The following SYNJ2BP variants were observed in gnomAD, a reference collection of about 807,000 sequenced individuals.
SYNJ2BP encodes synaptojanin-2-binding protein.
In SYNJ2BP, 10 loss-of-function variants were observed where a neutral mutation model predicts 16.9. The observed-to-expected ratio is 0.59, with a 90% CI of 0.36 to 1.00. The LOEUF is 1.00. Among genes scored for constraint, SYNJ2BP ranks in the 50% least tolerant of loss-of-function variants. The pLI, the probability that SYNJ2BP is intolerant of heterozygous loss-of-function variation, is 0.01. For synonymous variants in SYNJ2BP, 54 were observed against 68.4 expected (o/e 0.79, Z 1.04); for missense variants, 162 against 186.7 (o/e 0.87, Z 0.77).
In SYNJ2BP at chr14:70,399,044, C is replaced by T. The variant is rs1278387188; in HGVS notation, c.65-10438G>A. 5.3e-5 allele frequency among the ~76,000 whole-genome samples: 8 copies of T among 151,514 alleles called. No individual in the cohort carries two copies. The South Asian group carries it at 8.3e-4, about 16-fold the overall frequency. On this transcript the variant is annotated intron_variant, in intron 1 of 3. Coordinates refer to ENST00000256366, the MANE Select transcript of SYNJ2BP (RefSeq NM_018373.3). ...GGTGGACCCCGGGGATGCGGCCCCG[C>T]GGAGGCTGCTCCCAAGGTGCAAGAA...
intron 2 of SYNJ2BP, among the ~76,000 whole-genome samples, chr14:70,385,547 TA>T (rs1021673167): frequency 4.0e-5 from 6 of 151,360 alleles, no homozygotes; most frequent in Middle Eastern, 3.4e-3. Context: ...TAATTTTTTG[TA>T]TTTTTTTTTT....
At chr14:70,388,345 C>T in intron 2 of SYNJ2BP, 125 bp downstream of exon 2, 1 of 1,315,248 alleles carries the variant, frequency 7.6e-7, no homozygotes, top group Non-Finnish European at 9.7e-7. Flanking sequence ...CAAAGTTGTT[C>T]CCATTCAACT....
intron 1 of SYNJ2BP, among the ~76,000 whole-genome samples, chr14:70,406,641 C>T (rs1407200409): frequency 6.6e-6 from 1 of 152,052 alleles, no homozygotes; most frequent in Non-Finnish European, 1.5e-5. Context: ...TTTTGCAGAC[C>T]CTGCACTCAA....
chr14:70,416,993 G>A lies in SYNJ2BP; in HGVS notation c.-30C>T, dbSNP rs756886261. 1 of 1,614,008 alleles carries A rather than the reference G, an allele frequency of 6.2e-7. No individual in the cohort carries two copies. The highest frequency in any genetic ancestry group is 8.5e-7 in the Non-Finnish European group (1 of 1,179,998). Reference sequence around the variant, plus strand: ...TACAGCTCGTCTGGCTTCCTACTTGGGTCAGCTGGAGTGCAGCACAGGTGA... The same window carrying A: ...TACAGCTCGTCTGGCTTCCTACTTGAGTCAGCTGGAGTGCAGCACAGGTGA... On this transcript the variant is annotated 5_prime_UTR_variant, in exon 1 of 4. Coordinates refer to ENST00000256366, the MANE Select transcript of SYNJ2BP (RefSeq NM_018373.3).
intron 1 of SYNJ2BP, among the ~76,000 whole-genome samples, chr14:70,414,313 T>C (rs956453039): frequency 4.6e-4 from 70 of 152,362 alleles, no homozygotes; most frequent in African/African-American, 1.6e-3. Context: ...GAAATGCTTA[T>C]GAAAATTTAG....
In SYNJ2BP at chr14:70,370,652, G is replaced by A. The variant is rs114275959; in HGVS notation, c.*2339C>T. On this transcript the variant is annotated 3_prime_UTR_variant, in exon 4 of 4. Coordinates refer to ENST00000256366, the MANE Select transcript of SYNJ2BP (RefSeq NM_018373.3). ...CTGAATTTCTAAAAGAAAATGTGAT[G>A]ATTACCTGCATATCTTCTTTGTTGC... is the stretch of plus-strand genomic sequence containing the variant. 1 of 152,206 alleles carries A rather than the reference G, an allele frequency of 6.6e-6. No individual in the cohort carries two copies. The highest frequency in any genetic ancestry group is 2.1e-4 in the South Asian group (1 of 4,814). The allele number at this position is 152,206 out of a possible 1,614,324, so 9.4% of individuals were successfully genotyped here. A position where few individuals can be genotyped will look rare whatever the true frequency, so the allele number is the denominator to read the frequency against.
chr14:70,410,588 A>G (rs1888451143), intron 1 of SYNJ2BP, among the ~76,000 whole-genome samples: 1 of 152,190 alleles, frequency 6.6e-6, no homozygotes, highest in South Asian at 2.1e-4. Flanking sequence ...AGCACTATCC[A>G]TAACAGCAAA....
At chr14:70,375,314 A>G (rs1259911560) in intron 3 of SYNJ2BP, among the ~76,000 whole-genome samples, 2 of 147,928 alleles carry the variant, frequency 1.4e-5, no homozygotes, top group Non-Finnish European at 3.0e-5. Flanking sequence ...CAATCCTCCC[A>G]CCTTAGCATC....
chr14:70,374,732 T>C (rs1448200133), intron 3 of SYNJ2BP, among the ~76,000 whole-genome samples: 1 of 152,198 alleles, frequency 6.6e-6, no homozygotes, highest in Non-Finnish European at 1.5e-5. Context: ...GAAGGGTTCA[T>C]GGCAGTGACA....
At chr14:70,415,434 T>C (rs531956319) in intron 1 of SYNJ2BP, among the ~76,000 whole-genome samples, 1 of 150,518 alleles carries the variant, frequency 6.6e-6, no homozygotes, top group South Asian at 2.1e-4. Flanking sequence ...ACCCATGGTA[T>C]CGGTTACTCA....
intron 1 of SYNJ2BP, among the ~76,000 whole-genome samples, chr14:70,413,396 T>C (rs1218818608): frequency 1.3e-5 from 2 of 152,214 alleles, no homozygotes; most frequent in Non-Finnish European, 1.5e-5. Flanking sequence ...CCCAAAACTT[T>C]GGGAGGCCAA....
chr14:70,379,368 TC>T (rs1012934752), intron 2 of SYNJ2BP, among the ~76,000 whole-genome samples: 12 of 152,212 alleles, frequency 7.9e-5, no homozygotes, highest in African/African-American at 1.2e-4. Context: ...ACCTATCTTC[TC>T]AGGTTAATTT....
At chr14:70,414,561 A>G (rs1888561613) in intron 1 of SYNJ2BP, among the ~76,000 whole-genome samples, 1 of 152,224 alleles carries the variant, frequency 6.6e-6, no homozygotes, top group Non-Finnish European at 1.5e-5. Flanking sequence ...CTTTAGAACA[A>G]GAGATAATAT....
chr14:70,380,056 T>G (rs182541292), intron 2 of SYNJ2BP, among the ~76,000 whole-genome samples: 1 of 152,222 alleles, frequency 6.6e-6, no homozygotes, highest in Non-Finnish European at 1.5e-5. Context: ...TCATCTTACA[T>G]GTATTAACTC....
chr14:70,396,638 G>A (rs1888105950), intron 1 of SYNJ2BP, among the ~76,000 whole-genome samples: 1 of 151,168 alleles, frequency 6.6e-6, no homozygotes, highest in African/African-American at 2.4e-5. Flanking sequence ...ATATATGTAT[G>A]TGTATATATA....
Position 70,416,954 on chromosome 14 carries a change from T to C in SYNJ2BP, c.10A>G (p.Arg4Gly), listed in dbSNP as rs932870427. Reference sequence around the variant, plus strand: ...TCCTCAGTGACCAAATAATCCACTCTTCCGTTCATGTTTTACAGCTCGTCT... The same window carrying C: ...TCCTCAGTGACCAAATAATCCACTCCTCCGTTCATGTTTTACAGCTCGTCT... MNG[R>G]VDYLVTEEEI... is the part of the protein sequence containing the mutation. Residue 4 changes from arginine to glycine, a missense_variant, in exon 1 of 4, where the codon AGA becomes GGA. Coordinates refer to ENST00000256366, the MANE Select transcript of SYNJ2BP (RefSeq NM_018373.3). 8.1e-6 allele frequency: 13 copies of C among 1,614,070 alleles called. No individual in the cohort carries two copies. The highest frequency in any genetic ancestry group is 1.3e-5 in the African/African-American group (1 of 74,916).
chr14:70,396,910 C>T (rs1356124181), intron 1 of SYNJ2BP, among the ~76,000 whole-genome samples: 2 of 152,134 alleles, frequency 1.3e-5, no homozygotes, highest in African/African-American at 4.8e-5. Flanking sequence ...AAATAATTGG[C>T]AAATACTATC....
intron 1 of SYNJ2BP, among the ~76,000 whole-genome samples, chr14:70,405,066 G>A (rs188653387): frequency 2.0e-5 from 3 of 152,230 alleles, no homozygotes; most frequent in East Asian, 1.9e-4. Context: ...GGATGAGGCT[G>A]CAGTAAGCTG....
intron 2 of SYNJ2BP, among the ~76,000 whole-genome samples, chr14:70,383,845 T>A (rs938556482): frequency 6.6e-6 from 1 of 152,196 alleles, no homozygotes; most frequent in Non-Finnish European, 1.5e-5. Context: ...AGATGCAACA[T>A]GGCCTTAAAA....
Sources: allele counts gnomAD v4.1 joint callset (sites outside exome capture counted in the v4.1 genomes callset), GRCh38; gene constraint gnomAD v4.1.1; transcripts MANE v1.5; gene names NCBI Gene and HGNC (gene_info 2026-07-23, HGNC 2026-07-21).